The following FOXP1 variants were observed in gnomAD, a reference collection of about 807,000 sequenced individuals.
FOXP1 encodes the protein forkhead box protein P1.
FOXP1 carries 15 observed loss-of-function variants against 98.2 expected under a neutral mutation model. The observed-to-expected ratio is 0.15, with a 90% CI of 0.10 to 0.24. The LOEUF (loss-of-function observed/expected upper bound fraction) is 0.24. Among genes scored for constraint, FOXP1 ranks in the 10% least tolerant of loss-of-function variants. The pLI, the probability that FOXP1 is intolerant of heterozygous loss-of-function variation, is 1.00. For synonymous variants in FOXP1, 371 were observed against 314.5 expected (o/e 1.18, Z -1.90); for missense variants, 633 against 848.5 (o/e 0.75, Z 3.15).
intron 11 of FOXP1, among the ~76,000 whole-genome samples, chr3:71,032,998 A>G (rs1007893611): frequency 2.0e-5 from 3 of 152,212 alleles, no homozygotes; most frequent in Admixed American, 2.0e-4. Flanking sequence ...TATAGGTAAA[A>G]GAGTAAAACC....
intron 14 of FOXP1, among the ~76,000 whole-genome samples, chr3:70,979,154 T>C (rs1458381343): frequency 1.3e-5 from 2 of 151,036 alleles, no homozygotes; most frequent in Non-Finnish European, 3.0e-5. Context: ...TGGTGGCACA[T>C]GCCTGTAGTC....
At position 71,034,724 on chromosome 3, in the gene FOXP1, AT is replaced by A. The variant is rs568987051; in HGVS notation, c.869+6603del. 1.4e-4 allele frequency among the ~76,000 whole-genome samples: 22 copies of A among 152,172 alleles called. No individual in the cohort carries two copies. The South Asian group carries it at 4.4e-3, about 30-fold the overall frequency. ...TGACAAGAGCAAAACAGAACCTTAAATTTGTGTCTCTTGCCTGTGATCACAG... is the reference window on the plus strand; with the variant it reads ...TGACAAGAGCAAAACAGAACCTTAAATTGTGTCTCTTGCCTGTGATCACAG... On this transcript the variant is annotated intron_variant, in intron 11 of 20. Transcript: ENST00000649528.
chr3:71,345,373 G>A (rs946129268), intron 4 of FOXP1, among the ~76,000 whole-genome samples: 1 of 150,792 alleles, frequency 6.6e-6, no homozygotes, highest in Non-Finnish European at 1.5e-5. Context: ...CAGTGACAGA[G>A]AGAGAATCTG....
At chr3:71,207,091 G>A (rs778800772) in intron 5 of FOXP1, among the ~76,000 whole-genome samples, 1 of 152,092 alleles carries the variant, frequency 6.6e-6, no homozygotes. Context: ...GGTGTTCTGG[G>A]GAGCGTAATT....
At chr3:71,213,682 G>C (rs2064684724) in intron 5 of FOXP1, among the ~76,000 whole-genome samples, 1 of 152,174 alleles carries the variant, frequency 6.6e-6, no homozygotes, top group South Asian at 2.1e-4. Context: ...CGGGTGTGCT[G>C]GTGGGTGCCT....
chr3:70,955,855 C>CACACACAA lies in FOXP1; in HGVS notation c.*3391_*3392insTTGTGTGT, dbSNP rs1159141190. On this transcript the variant is annotated 3_prime_UTR_variant, in exon 21 of 21. Coordinates refer to ENST00000649528, the MANE Select transcript of FOXP1 (RefSeq NM_001349338.3). ...GCGCACACACACACACACACACACA[C>CACACACAA]AAAACCTGTACAAAATGCTCCAATC... 2 of 232,572 alleles carry CACACACAA rather than the reference C, an allele frequency of 8.6e-6. No individual in the cohort carries two copies. The highest frequency in any genetic ancestry group is 4.4e-5 in the African/African-American group (2 of 44,952). The allele number at this position is 232,572 out of a possible 1,614,324, so 14.4% of individuals were successfully genotyped here.
At chr3:70,982,269 T>C (rs1452361795) in intron 14 of FOXP1, among the ~76,000 whole-genome samples, 1 of 152,220 alleles carries the variant, frequency 6.6e-6, no homozygotes, top group Non-Finnish European at 1.5e-5. Flanking sequence ...TTGTAAACTA[T>C]TAAATCTTAA....
intron 3 of FOXP1, among the ~76,000 whole-genome samples, chr3:71,443,991 G>A (rs1001876688): frequency 6.6e-6 from 1 of 152,106 alleles, no homozygotes; most frequent in Non-Finnish European, 1.5e-5. Context: ...CTTCAGAGGG[G>A]CTTCACCAGC....
intron 5 of FOXP1, among the ~76,000 whole-genome samples, chr3:71,290,605 A>G (rs1381378410): frequency 6.6e-6 from 1 of 152,164 alleles, no homozygotes; most frequent in African/African-American, 2.4e-5. Flanking sequence ...TCTACCTCAA[A>G]GCCCCTCAAT....
intron 7 of FOXP1, among the ~76,000 whole-genome samples, chr3:71,109,393 A>C (rs2057719967): frequency 6.6e-6 from 1 of 150,608 alleles, no homozygotes; most frequent in Non-Finnish European, 1.5e-5. Flanking sequence ...GATATGCTTA[A>C]AATATGAGTC....
chr3:71,193,334 G>A lies in FOXP1; in HGVS notation c.180+4868C>T, dbSNP rs182854717. Among the ~76,000 whole-genome samples the A allele has an allele frequency of 4.3e-3, 550 of 128,432 alleles. 102 individuals carry two copies. The highest frequency in any genetic ancestry group is 7.1e-3 in the Non-Finnish European group (449 of 63,264). The allele number at this position is 128,432 out of a possible 152,430, so 84.3% of individuals were successfully genotyped here. A position where few individuals can be genotyped will look rare whatever the true frequency, so the allele number is the denominator to read the frequency against. ...GGCTAATTTTTTGTATTTTTTAGTA[G>A]AGGCGGGGTTTCACCATGTTAGCCA... On this transcript the variant is annotated intron_variant, in intron 6 of 20. Coordinates refer to ENST00000649528, the MANE Select transcript of FOXP1 (RefSeq NM_001349338.3).
intron 3 of FOXP1, among the ~76,000 whole-genome samples, chr3:71,407,897 G>A (rs924188215): frequency 2.0e-5 from 3 of 152,172 alleles, no homozygotes; most frequent in Admixed American, 2.0e-4. Flanking sequence ...CAATTCAGGG[G>A]CTTTGTGCCC....
chr3:71,158,083 A>AGAAGGAAGGAAGGAAGGAAGGAAGGAAG (rs1238796330), intron 6 of FOXP1, among the ~76,000 whole-genome samples: 20 of 42,106 alleles, frequency 4.7e-4, no homozygotes, highest in African/African-American at 1.9e-3. Context: ...GTAAGACGAA[A>AGAAGGAAGGAAGGAAGGAAGGAAGGAAG]GAAGGAAGGA....
chr3:71,309,105 T>C (rs1490002693), intron 4 of FOXP1, among the ~76,000 whole-genome samples: 2 of 152,104 alleles, frequency 1.3e-5, no homozygotes. Context: ...CTGTAAGTAA[T>C]GGAAAAAGTT....
intron 4 of FOXP1, among the ~76,000 whole-genome samples, chr3:71,336,365 A>G (rs2107753976): frequency 6.6e-6 from 1 of 152,262 alleles, no homozygotes; most frequent in South Asian, 2.1e-4. Flanking sequence ...CCTATCAACC[A>G]GACATCTAGA....
At chr3:71,102,818 T>C (rs2057082825) in intron 7 of FOXP1, among the ~76,000 whole-genome samples, 1 of 152,106 alleles carries the variant, frequency 6.6e-6, no homozygotes, top group Non-Finnish European at 1.5e-5. Context: ...TAGAGTGTAA[T>C]GGATGAAAGC....
rs772768282 is a variant in FOXP1 at position 71,112,651 on chromosome 3, C to T, written c.181-14G>A. The T allele has an allele frequency of 1.8e-5, 29 of 1,601,382 alleles. No homozygotes were observed. The South Asian group carries it at 3.0e-4, about 16-fold the overall frequency. On this transcript the variant is annotated splice_polypyrimidine_tract_variant and intron_variant, in intron 6 of 20. Coordinates refer to ENST00000649528, the MANE Select transcript of FOXP1 (RefSeq NM_001349338.3). ...CACCTGAAGTGCCTGGAAGGAAAAA[C>T]AAGAAAATCCTTTGCGTTACTACAC... is the stretch of plus-strand genomic sequence containing the variant.
intron 3 of FOXP1, chr3:71,360,517 T>C (rs997453852): frequency 1.3e-5 from 2 of 152,216 alleles, no homozygotes; most frequent in African/African-American, 4.8e-5. Context: ...TGCTGACAGA[T>C]AAGTCAACTC....
chr3:71,276,423 T>A (rs1164359752), intron 5 of FOXP1: 1 of 152,016 alleles, frequency 6.6e-6, no homozygotes, highest in East Asian at 1.9e-4. Flanking sequence ...CTAATCCAGT[T>A]TCATTATCTT....
Sources: allele counts gnomAD v4.1 joint callset (sites outside exome capture counted in the v4.1 genomes callset), GRCh38; gene constraint gnomAD v4.1.1; transcripts MANE v1.5; gene names NCBI Gene and HGNC (gene_info 2026-07-23, HGNC 2026-07-21).